FOXN3: variants seen among roughly 807,000 people sequenced by gnomAD.
The protein encoded by FOXN3 is forkhead box N3, also known as forkhead box protein N3.
FOXN3 carries 7 observed loss-of-function variants against 38.4 expected under a neutral mutation model. The observed-to-expected ratio is 0.18, with a 90% confidence interval of 0.10 to 0.34. The LOEUF (loss-of-function observed/expected upper bound fraction) is 0.34. FOXN3 is among the 10% of genes least tolerant of loss of function. The probability of loss-of-function intolerance (pLI) is 1.00; values close to 1 mark genes in which losing one functional copy is unlikely to be tolerated. For missense variants in FOXN3, 456 were observed against 613.4 expected (o/e 0.74, Z 2.71); for synonymous variants, 230 against 242.2 (o/e 0.95, Z 0.47).
intron 1 of FOXN3, among the ~76,000 whole-genome samples, chr14:89,566,386 A>T (rs561478412): frequency 7.5e-4 from 114 of 152,312 alleles, no homozygotes; most frequent in Middle Eastern, 3.4e-3. Flanking sequence ...CATTGTCAGC[A>T]TTTAATTATT....
chr14:89,466,025 C>A (rs1892969583), intron 1 of FOXN3, among the ~76,000 whole-genome samples: 1 of 152,228 alleles, frequency 6.6e-6, no homozygotes, highest in Non-Finnish European at 1.5e-5. Flanking sequence ...TATCTACCAG[C>A]TGCCCCCCAC....
At chr14:89,271,182 T>C (rs1038837354) in intron 4 of FOXN3, among the ~76,000 whole-genome samples, 4 of 152,234 alleles carry the variant, frequency 2.6e-5, no homozygotes, top group African/African-American at 9.6e-5. Context: ...TATAGGTGGA[T>C]GATTTTAAGT....
At chr14:89,221,967 C>T (rs1375342147) in intron 4 of FOXN3, among the ~76,000 whole-genome samples, 2 of 152,104 alleles carry the variant, frequency 1.3e-5, no homozygotes, top group African/African-American at 2.4e-5. Context: ...GGACTACAGG[C>T]GCCCGCCACG....
rs77831002 is a variant in FOXN3 at position 89,538,177 on chromosome 14, G to C, written c.-15+80851C>G. 3.7e-3 allele frequency among the ~76,000 whole-genome samples: 571 copies of C among 152,310 alleles called. 3 individuals are homozygous for C. The highest frequency in any genetic ancestry group is 0.013 in the African/African-American group (545 of 41,574). ...AGTTAACTCAGAAAAACAGATCCAC[G>C]TAATGTATTTGTTCTTCTGCTCAAA... On this transcript the variant is annotated intron_variant, in intron 1 of 6. Coordinates refer to the FOXN3 transcript ENST00000345097.
Position 89,344,086 on chromosome 14 carries a change from ACT to A in FOXN3, c.680+6584_680+6585del, listed in dbSNP as rs1235531257. On this transcript the variant is annotated intron_variant, in intron 3 of 5. Transcript: ENST00000557258. ...CGAGAAACTTTCTTGAAATGTTCTA[ACT>A]CTGCAAATTTTATAGTCATCCAAAA... Among the ~76,000 whole-genome samples, 4 of 152,232 alleles carry A rather than the reference ACT, an allele frequency of 2.6e-5. No individual in the cohort carries two copies. In the East Asian group the frequency reaches 5.8e-4, roughly 22 times the overall value.
At chr14:89,377,952 G>A (rs1025458015) in intron 2 of FOXN3, among the ~76,000 whole-genome samples, 1 of 152,188 alleles carries the variant, frequency 6.6e-6, no homozygotes, top group African/African-American at 2.4e-5. Context: ...AAGACATGTG[G>A]GGAAGGCGGC....
At chr14:89,211,749 G>A (rs773502493) in intron 4 of FOXN3, among the ~76,000 whole-genome samples, 3 of 152,176 alleles carry the variant, frequency 2.0e-5, no homozygotes, top group Non-Finnish European at 4.4e-5. Flanking sequence ...AGAACAGAAC[G>A]AAATTCTCTC....
chr14:89,526,495 A>T (rs916999838), intron 1 of FOXN3, among the ~76,000 whole-genome samples: 1 of 152,170 alleles, frequency 6.6e-6, no homozygotes, highest in African/African-American at 2.4e-5. Context: ...AAAATAAACA[A>T]TATAATTTAC....
intron 1 of FOXN3, among the ~76,000 whole-genome samples, chr14:89,592,879 C>A (rs1456757847): frequency 1.3e-5 from 2 of 151,992 alleles, no homozygotes; most frequent in Admixed American, 6.6e-5. Flanking sequence ...AGCAACCAGG[C>A]CAAATTAGAA....
intron 1 of FOXN3, among the ~76,000 whole-genome samples, chr14:89,424,643 C>T (rs1043754417): frequency 1.3e-5 from 2 of 149,600 alleles, no homozygotes; most frequent in African/African-American, 5.0e-5. Flanking sequence ...TTTGGGAGGT[C>T]GAGGCTGGGG....
intron 4 of FOXN3, among the ~76,000 whole-genome samples, chr14:89,234,378 C>T (rs936642116): frequency 6.6e-6 from 1 of 152,104 alleles, no homozygotes; most frequent in Admixed American, 6.5e-5. Flanking sequence ...CGTTCCAAGG[C>T]TTGTGGCTGC....
chr14:89,231,200 TTTTC>T (rs1333412101), intron 4 of FOXN3, among the ~76,000 whole-genome samples: 1 of 152,008 alleles, frequency 6.6e-6, no homozygotes, highest in Non-Finnish European at 1.5e-5. Flanking sequence ...AAATATACTC[TTTTC>T]TTTCTAATGA....
intron 1 of FOXN3, among the ~76,000 whole-genome samples, chr14:89,532,648 A>C (rs1438770171): frequency 6.6e-6 from 1 of 152,224 alleles, no homozygotes. Context: ...TTGGGCAAAC[A>C]ATATAATTAG....
chr14:89,293,031 C>A lies in FOXN3; in HGVS notation c.681-12017G>T, dbSNP rs1886925055. On this transcript the variant is annotated intron_variant, in intron 3 of 5. Coordinates refer to ENST00000557258, the MANE Select transcript of FOXN3 (RefSeq NM_005197.4). ...GCTAGCTCTCTGTCCATGCTCGGCC[C>A]CACCATCAGAGCATTCCTAGAGTTC... Among the ~76,000 whole-genome samples the A allele has an allele frequency of 1.3e-5, 2 of 152,236 alleles. 1 individual carries two copies. Among genetic ancestry groups the A allele is most frequent in the South Asian group, 4.1e-4 (2 of 4,836 alleles).
intron 4 of FOXN3, among the ~76,000 whole-genome samples, chr14:89,224,597 C>G (rs911289298): frequency 6.6e-6 from 1 of 152,198 alleles, no homozygotes; most frequent in African/African-American, 2.4e-5. Context: ...CCAGGCACAA[C>G]TGGGTATGTT....
chr14:89,524,582 G>A (rs1304088763), intron 1 of FOXN3, among the ~76,000 whole-genome samples: 3 of 151,528 alleles, frequency 2.0e-5, no homozygotes, highest in African/African-American at 4.8e-5. Context: ...AGGAAAAAAG[G>A]AGAGAATACA....
intron 4 of FOXN3, among the ~76,000 whole-genome samples, chr14:89,211,616 T>C (rs996741631): frequency 6.6e-6 from 1 of 152,220 alleles, no homozygotes; most frequent in African/African-American, 2.4e-5. Flanking sequence ...AATTTGTGCA[T>C]GTTTCTGGAA....
At chr14:89,241,873 G>A (rs1885150039) in intron 4 of FOXN3, among the ~76,000 whole-genome samples, 1 of 152,136 alleles carries the variant, frequency 6.6e-6, no homozygotes, top group Admixed American at 6.5e-5. Context: ...TCGCAATGGG[G>A]GGCCTCTTCC....
chr14:89,507,271 T>C (rs1029985007), intron 1 of FOXN3, among the ~76,000 whole-genome samples: 9 of 152,266 alleles, frequency 5.9e-5, no homozygotes, highest in South Asian at 2.1e-4. Context: ...ACAGTAAGCA[T>C]TGGGCTAATC....
Sources: gnomAD v4.1 joint callset for allele counts (sites outside exome capture counted in the v4.1 genomes callset) on GRCh38, gnomAD v4.1.1 for gene constraint, MANE v1.5 for transcripts, NCBI Gene and HGNC (gene_info 2026-07-23, HGNC 2026-07-21) for gene names.